Variants in SLFN12L observed in about 807,000 individuals in gnomAD.
SLFN12L encodes the protein schlafen family member 12-like.
SLFN12L carries 34 observed loss-of-function variants against 34.8 expected under a neutral mutation model. That is an observed-to-expected ratio of 0.98 (90% CI 0.74 to 1.30). SLFN12L has a LOEUF of 1.30. Among genes scored for constraint, SLFN12L ranks in the 50% most tolerant of loss-of-function variants. The pLI, the probability that SLFN12L is intolerant of heterozygous loss-of-function variation, is 0.00. For synonymous variants in SLFN12L, 259 were observed against 247.5 expected, an observed-to-expected ratio of 1.05 and a Z score of -0.44; for missense variants, 703 against 696.2, an observed-to-expected ratio of 1.01 and a Z score of -0.11.
chr17:35,478,646 T>C (rs1914144025), intron 3 of SLFN12L, among the ~76,000 whole-genome samples: 1 of 152,220 alleles, frequency 6.6e-6, no homozygotes, highest in Non-Finnish European at 1.5e-5. Context: ...ATTATTCTTC[T>C]CTTATTGGTA....
At chr17:35,487,952 T>C in intron 2 of SLFN12L, 1 of 691,298 alleles carries the variant, frequency 1.4e-6, no homozygotes, top group Non-Finnish European at 2.6e-6. Context: ...CTCACGCCTG[T>C]AATCCCAGCA....
At chr17:35,530,511 A>G (rs1171970182) in intron 1 of SLFN12L, among the ~76,000 whole-genome samples, 1 of 38,534 alleles carries the variant, frequency 2.6e-5, no homozygotes, top group South Asian at 6.6e-4. Flanking sequence ...AAAGAAAGAA[A>G]GAAAAGAAAA....
intron 2 of SLFN12L, among the ~76,000 whole-genome samples, chr17:35,504,976 G>A (rs61228261): frequency 0.037 from 5,627 of 152,138 alleles, 359 homozygotes; most frequent in African/African-American, 0.13. Context: ...ACCAGAGGGA[G>A]GAAAAATAAG....
intron 3 of SLFN12L, chr17:35,478,579 G>A (rs931530066): frequency 5.2e-6 from 1 of 191,112 alleles, no homozygotes; most frequent in African/African-American, 2.4e-5. Context: ...TAAGTTGCTA[G>A]TTCTGGTCTA....
rs1491527639 is a variant in SLFN12L at position 35,530,541 on chromosome 17, A to AGAAAAG, written c.-606+7031_-606+7032insCTTTTC. The stretch of plus-strand genomic sequence containing the variant: ...AGAAAAGAAAAGAAAAGAAAAGAAA[A>AGAAAAG]GAAAGAAAGAAAGAAAGAGAAAGGG... On this transcript the variant is annotated intron_variant, in intron 1 of 4. Coordinates refer to ENST00000628453, the MANE Select transcript of SLFN12L (RefSeq NM_001363830.2). 4.9e-4 allele frequency among the ~76,000 whole-genome samples: 12 copies of AGAAAAG among 24,260 alleles called. 2 individuals are homozygous for AGAAAAG. Among genetic ancestry groups the AGAAAAG allele is most frequent in the African/African-American group, 8.7e-4 (10 of 11,544 alleles). The allele number at this position is 24,260 out of a possible 152,430, so 15.9% of individuals were successfully genotyped here. A position where few individuals can be genotyped will look rare whatever the true frequency, so the allele number is the denominator to read the frequency against.
chr17:35,534,647 A>G (rs1281592416), intron 1 of SLFN12L, among the ~76,000 whole-genome samples: 1 of 152,202 alleles, frequency 6.6e-6, no homozygotes, highest in African/African-American at 2.4e-5. Context: ...ATGGGAATTC[A>G]TGTCTATTAT....
At chr17:35,483,892 T>A (rs541045889) in intron 2 of SLFN12L, among the ~76,000 whole-genome samples, 2 of 152,220 alleles carry the variant, frequency 1.3e-5, no homozygotes, top group Non-Finnish European at 2.9e-5. Context: ...TTTGTCTCTA[T>A]AAATTTCTGA....
chr17:35,472,073 C>T lies in SLFN12L; in HGVS notation c.*2850G>A, dbSNP rs771114724. Among the ~76,000 whole-genome samples, 4 of 152,132 alleles carry T rather than the reference C, an allele frequency of 2.6e-5. No homozygotes were observed. Among genetic ancestry groups the T allele is most frequent in the Non-Finnish European group, 4.4e-5 (3 of 68,024 alleles). On this transcript the variant is annotated 3_prime_UTR_variant, in exon 5 of 5. Coordinates refer to ENST00000628453, the MANE Select transcript of SLFN12L (RefSeq NM_001363830.2). Reference sequence around the variant, plus strand: ...GAAGCTCTTTAGTTTAATTAGATCCCGTTTGTCAACTTTGGCTTTCGTTGC... The same window carrying T: ...GAAGCTCTTTAGTTTAATTAGATCCTGTTTGTCAACTTTGGCTTTCGTTGC...
At chr17:35,479,000 C>T in intron 3 of SLFN12L, 117 bp downstream of exon 3, 1 of 730,920 alleles carries the variant, frequency 1.4e-6, no homozygotes, top group Non-Finnish European at 2.2e-6. Flanking sequence ...TGGTTGTATC[C>T]ACCAGAGATG....
chr17:35,514,629 C>T (rs960605314), intron 2 of SLFN12L: 2 of 252,440 alleles, frequency 7.9e-6, no homozygotes, highest in Non-Finnish European at 1.6e-5. Flanking sequence ...AATGGATTTA[C>T]ACAAAGTAAA....
intron 2 of SLFN12L, among the ~76,000 whole-genome samples, chr17:35,502,627 C>A (rs7219413): frequency 0.44 from 65,765 of 151,152 alleles, 16,354 homozygotes; most frequent in Non-Finnish European, 0.55. Flanking sequence ...TATACCAATT[C>A]TAAGTTAGTT....
chr17:35,498,483 C>T, intron 2 of SLFN12L: 1 of 1,209,578 alleles, frequency 8.3e-7, no homozygotes, highest in Non-Finnish European at 1.2e-6. Context: ...CCCGCATAGC[C>T]ACGAAGTGAT....
At chr17:35,485,958 T>C (rs1359734757) in intron 2 of SLFN12L, among the ~76,000 whole-genome samples, 1 of 152,216 alleles carries the variant, frequency 6.6e-6, no homozygotes, top group African/African-American at 2.4e-5. Context: ...TTTTGTTCTT[T>C]TTGTTTAGGA....
At position 35,525,153 on chromosome 17, in the gene SLFN12L, T is replaced by G. The variant is rs367930933; in HGVS notation, c.-605-2184A>C. 2.6e-5 allele frequency among the ~76,000 whole-genome samples: 4 copies of G among 151,188 alleles called. No individual in the cohort carries two copies. In the East Asian group the frequency reaches 7.8e-4, roughly 29 times the overall value. On this transcript the variant is annotated intron_variant, in intron 1 of 4. Coordinates refer to ENST00000628453, the MANE Select transcript of SLFN12L (RefSeq NM_001363830.2). ...ATGAAATAAAGCAAGAAGACAAGAA[T>G]AGAGAAAAAAGAATGAAAAGGAATG... is the stretch of plus-strand genomic sequence containing the variant.
chr17:35,512,768 G>T lies in SLFN12L; in HGVS notation c.86+9511C>A, dbSNP rs1597870266. 4.6e-5 allele frequency among the ~76,000 whole-genome samples: 7 copies of T among 152,352 alleles called. 1 individual carries two copies. The highest frequency in any genetic ancestry group is 4.6e-4 in the Admixed American group (7 of 15,310). On this transcript the variant is annotated intron_variant, in intron 2 of 4. Coordinates refer to ENST00000628453, the MANE Select transcript of SLFN12L (RefSeq NM_001363830.2). Reference sequence around the variant, plus strand: ...GAAAATGCACTTGGCTTAATCAACTGTGAAATGAAGACGATATCACTGCCT... The same window carrying T: ...GAAAATGCACTTGGCTTAATCAACTTTGAAATGAAGACGATATCACTGCCT...
Position 35,466,026 on chromosome 17 carries a change from T to C in SLFN12L, c.*8897A>G, listed in dbSNP as rs1329856974. Among the ~76,000 whole-genome samples the C allele has an allele frequency of 1.3e-5, 2 of 152,018 alleles. No individual in the cohort carries two copies. Among genetic ancestry groups the C allele is most frequent in the Admixed American group, 6.6e-5 (1 of 15,240 alleles). On this transcript the variant is annotated 3_prime_UTR_variant, in exon 5 of 5. Transcript: ENST00000628453. ...TTTCTAGAGCAGATTCACAGCAAAATTGAGCGGAAAGTACAAAGATTTTCC... is the reference window on the plus strand; with the variant it reads ...TTTCTAGAGCAGATTCACAGCAAAACTGAGCGGAAAGTACAAAGATTTTCC...
At chr17:35,526,897 T>C (rs2072340921) in intron 1 of SLFN12L, among the ~76,000 whole-genome samples, 1 of 151,232 alleles carries the variant, frequency 6.6e-6, no homozygotes, top group Non-Finnish European at 1.5e-5. Context: ...AAAAACCCCT[T>C]CAAAAATTCA....
At chr17:35,518,493 G>A (rs4459595) in intron 2 of SLFN12L, among the ~76,000 whole-genome samples, 2,933 of 150,306 alleles carry the variant, frequency 0.02, 102 homozygotes, top group African/African-American at 0.068. Context: ...AGAGGTTGCA[G>A]TAAGCCGAGA....
chr17:35,499,043 T>C, intron 2 of SLFN12L: 3 of 771,698 alleles, frequency 3.9e-6, no homozygotes, highest in South Asian at 2.6e-5. Context: ...TCTCCCCTGA[T>C]AGCAAGCTGC....
Sources: gnomAD v4.1 joint callset for allele counts (sites outside exome capture counted in the v4.1 genomes callset) on GRCh38, gnomAD v4.1.1 for gene constraint, MANE v1.5 for transcripts, NCBI Gene and HGNC (gene_info 2026-07-23, HGNC 2026-07-21) for gene names.